CTBP2: variants seen among roughly 807,000 people sequenced by gnomAD.
CTBP2 encodes C-terminal binding protein 2, also known as C-terminal-binding protein 2.
In CTBP2, 30 loss-of-function variants were observed where a neutral mutation model predicts 80.3. That is an observed-to-expected ratio of 0.37 (90% confidence interval 0.28 to 0.51). The LOEUF is 0.51. CTBP2 is among the 20% of genes least tolerant of loss of function. CTBP2 has a pLI of 0.93. For missense variants in CTBP2, 1,212 were observed against 1,375.3 expected (o/e 0.88, Z 1.88); for synonymous variants, 594 against 587.4 (o/e 1.01, Z -0.16).
At chr10:125,038,150 T>G (rs1024991195) in intron 3 of CTBP2, among the ~76,000 whole-genome samples, 8 of 152,146 alleles carry the variant, frequency 5.3e-5, no homozygotes, top group African/African-American at 1.9e-4. Context: ...ATGAGCCACA[T>G]CTACTTATAG....
Position 124,988,722 on chromosome 10 carries a change from A to G in CTBP2, c.*796T>C, listed in dbSNP as rs999813504. The stretch of plus-strand genomic sequence containing the variant: ...AAAAAAGTGGGTTTGTTCATAGACA[A>G]TCTGACAAGTTACCATAAAAAGTGT... On this transcript the variant is annotated 3_prime_UTR_variant, in exon 9 of 9. Transcript: ENST00000309035. 1 of 152,664 alleles carries G rather than the reference A, an allele frequency of 6.6e-6. No individual in the cohort carries two copies. The highest frequency in any genetic ancestry group is 2.4e-5 in the African/African-American group (1 of 41,450). The allele number at this position is 152,664 out of a possible 1,614,324, so 9.5% of individuals were successfully genotyped here.
chr10:125,040,859 G>C (rs376149084), intron 2 of CTBP2, among the ~76,000 whole-genome samples: 1 of 152,172 alleles, frequency 6.6e-6, no homozygotes, highest in Non-Finnish European at 1.5e-5. Context: ...CGATAATTAC[G>C]TGATTCTCCA....
chr10:125,034,246 T>G (rs1958593893), intron 3 of CTBP2, among the ~76,000 whole-genome samples: 1 of 152,012 alleles, frequency 6.6e-6, no homozygotes, highest in Admixed American at 6.5e-5. Context: ...GAGGAACAGG[T>G]GGGGTGAGGG....
intron 3 of CTBP2, among the ~76,000 whole-genome samples, chr10:125,002,424 C>T (rs141915000): frequency 3.7e-4 from 56 of 152,300 alleles, no homozygotes; most frequent in Non-Finnish European, 5.6e-4. Context: ...TGCTTTTCTT[C>T]GGAAGCCTCT....
intron 1 of CTBP2, among the ~76,000 whole-genome samples, chr10:125,115,671 C>T (rs1260994124): frequency 6.6e-6 from 1 of 152,194 alleles, no homozygotes; most frequent in Non-Finnish European, 1.5e-5. Flanking sequence ...TTCTAAGAAA[C>T]TCATCTCTGC....
In CTBP2 at chr10:125,036,666, GGGGTGTGTGTGT is replaced by G. The variant is rs59367321; in HGVS notation, c.58+2319_58+2330del. Among the ~76,000 whole-genome samples the G allele has an allele frequency of 3.1e-3, 308 of 100,316 alleles. 3 individuals carry two copies. Among genetic ancestry groups the G allele is most frequent in the African/African-American group, 0.011 (246 of 22,004 alleles). The allele number at this position is 100,316 out of a possible 152,430, so 65.8% of individuals were successfully genotyped here. ...ACATGGTGAGAATTCAAAGCTAGAG[GGGGTGTGTGTGT>G]GTGTGTGTGTGTGTGTGTGTGTGTG... On this transcript the variant is annotated intron_variant, in intron 3 of 10. Coordinates refer to the CTBP2 transcript ENST00000337195.
intron 8 of CTBP2, among the ~76,000 whole-genome samples, chr10:124,990,228 A>G (rs1264169218): frequency 6.6e-6 from 1 of 151,988 alleles, no homozygotes; most frequent in Admixed American, 6.6e-5. Context: ...TATTTTTAGT[A>G]GAGACGGGGT....
chr10:125,108,428 T>TAAAAGA (rs2135900261), intron 2 of CTBP2, among the ~76,000 whole-genome samples: 1 of 152,336 alleles, frequency 6.6e-6, no homozygotes, highest in South Asian at 2.1e-4. Context: ...TACCTCCTTC[T>TAAAAGA]TCTGTGCCCA....
rs3781409 is a variant in CTBP2 at position 125,027,060 on chromosome 10, C to T, written c.700G>A (p.Val234Met). The T allele has an allele frequency of 0.25, 411,201 of 1,613,106 alleles. 53,878 individuals carry two copies. The highest frequency in any genetic ancestry group is 0.29 in the East Asian group (13,225 of 44,846). ...GGGGCAGCAGCTGAACTGGGGTCCA[C>T]AACCAGGCACGTCGGGGCCACCTGT... The change falls in exon 1 of 9, where the codon GTG becomes ATG. Residue 234 changes from valine (V) to methionine (M), a missense_variant. Val to Met is a conservative substitution (Grantham distance 21, BLOSUM62 1). Transcript: ENST00000309035.
At chr10:125,017,871 G>A (rs1956648777) in intron 1 of CTBP2, among the ~76,000 whole-genome samples, 2 of 152,050 alleles carry the variant, frequency 1.3e-5, no homozygotes, top group Admixed American at 1.3e-4. Context: ...GCCGTGGGGG[G>A]CAGGTAGGGT....
intron 3 of CTBP2, 86 bp downstream of exon 5, chr10:125,002,874 A>G (rs1410533406): frequency 5.2e-6 from 8 of 1,530,866 alleles, no homozygotes; most frequent in Non-Finnish European, 7.1e-6. Flanking sequence ...CCGTGGTCCC[A>G]GTTCCAGCTG....
chr10:125,121,172 C>T (rs1368749618), intron 1 of CTBP2, among the ~76,000 whole-genome samples: 1 of 152,254 alleles, frequency 6.6e-6, no homozygotes, highest in Non-Finnish European at 1.5e-5. Context: ...TCTCCCTCTG[C>T]TTTCTCTTCT....
At chr10:125,023,275 G>T (rs1350009402) in intron 1 of CTBP2, among the ~76,000 whole-genome samples, 1 of 152,248 alleles carries the variant, frequency 6.6e-6, no homozygotes, top group Non-Finnish European at 1.5e-5. Context: ...TTTGGGCTGG[G>T]ACTGCGTTTC....
intron 2 of CTBP2, among the ~76,000 whole-genome samples, chr10:125,040,479 G>T (rs1959354651): frequency 8.2e-6 from 1 of 121,360 alleles, no homozygotes; most frequent in South Asian, 2.9e-4. Context: ...AAAAAAAAAG[G>T]TGGCTTGAAT....
In CTBP2 at chr10:124,993,889, C is replaced by T; in HGVS notation, c.2497G>A (p.Ala833Thr). Reference sequence around the variant, plus strand: ...TCTGACTCATGCACGTCGAGGGCTGCCCCTCGTATCCTGCCCTCCTTGAGG... The same window carrying T: ...TCTGACTCATGCACGTCGAGGGCTGTCCCTCGTATCCTGCCCTCCTTGAGG... The change falls in exon 6 of 9, where the codon GCA becomes ACA. Residue 833 changes from alanine to threonine, a missense_variant. Physicochemically the swap from Ala to Thr is moderately conservative, Grantham distance 58 (BLOSUM62 0). Transcript: ENST00000309035. The T allele has an allele frequency of 1.9e-6, 3 of 1,613,948 alleles. No individual in the cohort carries two copies. The highest frequency in any genetic ancestry group is 2.5e-6 in the Non-Finnish European group (3 of 1,180,026).
In CTBP2 at chr10:125,066,342, G is replaced by A. The variant is rs78660468; in HGVS notation, c.-101-27187C>T. Among the ~76,000 whole-genome samples the A allele has an allele frequency of 1.7e-3, 254 of 152,228 alleles. 6 individuals are homozygous for A. In the East Asian group the frequency reaches 0.044, roughly 26 times the overall value. On this transcript the variant is annotated intron_variant, in intron 2 of 10. Coordinates refer to the CTBP2 transcript ENST00000337195. This position sits in a 1 kb window ranked among gnomAD's most constrained non-coding sequence, Gnocchi z 4.1. ...TGGAGCTACCAACATCAGGACCAGC[G>A]AGAAATCGGGAAAACATCAAGTCAG...
At chr10:125,002,282 TGCACTCA>T (rs1446956198) in intron 3 of CTBP2, among the ~76,000 whole-genome samples, 1 of 152,202 alleles carries the variant, frequency 6.6e-6, no homozygotes, top group Admixed American at 6.5e-5. Context: ...CTTGTGCCTC[TGCACTCA>T]GCACTCACGA....
At chr10:125,143,125 C>G (rs566186023) in intron 1 of CTBP2, among the ~76,000 whole-genome samples, 5 of 152,276 alleles carry the variant, frequency 3.3e-5, no homozygotes, top group Non-Finnish European at 5.9e-5. Flanking sequence ...GCCCGGCAGC[C>G]CCCCCACGAC....
chr10:125,130,013 C>T (rs997960580), intron 1 of CTBP2, among the ~76,000 whole-genome samples: 1 of 151,720 alleles, frequency 6.6e-6, no homozygotes, highest in Admixed American at 6.6e-5. Flanking sequence ...GGCAAAGAAC[C>T]CCCAGGTATA....
Sources: gnomAD v4.1 joint callset for allele counts (sites outside exome capture counted in the v4.1 genomes callset) on GRCh38, gnomAD v4.1.1 for gene constraint, Gnocchi (gnomAD v3.1) non-coding constraint, MANE v1.5 for transcripts, NCBI Gene and HGNC (gene_info 2026-07-23, HGNC 2026-07-21) for gene names.